PRKCB: variants seen among roughly 807,000 people sequenced by gnomAD.
PRKCB encodes protein kinase C beta type.
Under a neutral mutation model 81.5 loss-of-function variants are expected in PRKCB, and 13 were observed. The ratio of observed to expected loss-of-function variants is 0.16; its 90% CI spans 0.10 to 0.25. PRKCB has a LOEUF of 0.25. PRKCB is among the 10% of genes least tolerant of loss of function. The probability of loss-of-function intolerance (pLI) is 1.00; values close to 1 mark genes in which losing one functional copy is unlikely to be tolerated. For missense variants in PRKCB, 509 were observed against 875.7 expected, an observed-to-expected ratio of 0.58 and a Z score of 5.29; for synonymous variants, 335 against 321.4, an observed-to-expected ratio of 1.04 and a Z score of -0.45.
At chr16:24,020,493 T>C (rs1965343709) in intron 3 of PRKCB, among the ~76,000 whole-genome samples, 2 of 152,228 alleles carry the variant, frequency 1.3e-5, no homozygotes, top group African/African-American at 2.4e-5. Context: ...GTTGCCATGA[T>C]GATTTTTTCT....
At chr16:23,985,518 A>G (rs1200447855) in intron 2 of PRKCB, among the ~76,000 whole-genome samples, 1 of 152,214 alleles carries the variant, frequency 6.6e-6, no homozygotes, top group Non-Finnish European at 1.5e-5. Context: ...TAGGACTTAT[A>G]TGGAGAAAAT....
chr16:23,958,182 G>C (rs1269548301), intron 2 of PRKCB, among the ~76,000 whole-genome samples: 1 of 152,058 alleles, frequency 6.6e-6, no homozygotes, highest in Non-Finnish European at 1.5e-5. Flanking sequence ...AGTAGAGACA[G>C]GGTTTCGCCA....
chr16:24,109,445 G>T (rs1359699664), intron 7 of PRKCB, among the ~76,000 whole-genome samples: 1 of 121,704 alleles, frequency 8.2e-6, no homozygotes. Context: ...CGGCCGGGCA[G>T]AGGTGCTCCT....
At chr16:24,009,426 AT>A (rs550009011) in intron 3 of PRKCB, among the ~76,000 whole-genome samples, 5,611 of 139,702 alleles carry the variant, frequency 0.04, 265 homozygotes, top group African/African-American at 0.13. Context: ...TAGGATGACT[AT>A]TTTTTTTTTT....
chr16:24,207,915 G>A (rs2141991242), intron 16 of PRKCB, among the ~76,000 whole-genome samples: 1 of 152,332 alleles, frequency 6.6e-6, no homozygotes, highest in East Asian at 1.9e-4. Flanking sequence ...AGTGTTCTAG[G>A]AACTGGAAAT....
intron 5 of PRKCB, among the ~76,000 whole-genome samples, chr16:24,063,601 G>A (rs1033432831): frequency 6.6e-6 from 1 of 152,092 alleles, no homozygotes; most frequent in Non-Finnish European, 1.5e-5. Flanking sequence ...GGCCACTGAT[G>A]TACTTTCACT....
chr16:23,936,613 G>A (rs951907775), intron 2 of PRKCB, among the ~76,000 whole-genome samples: 1 of 72,800 alleles, frequency 1.4e-5, no homozygotes, highest in East Asian at 4.5e-4. Context: ...TTGCATTTTT[G>A]GTAGAGACAG....
intron 2 of PRKCB, among the ~76,000 whole-genome samples, chr16:23,880,772 A>T (rs1271564366): frequency 6.6e-6 from 1 of 152,144 alleles, no homozygotes; most frequent in Admixed American, 6.5e-5. Flanking sequence ...CAAGATGCAG[A>T]GAAAGAAAAT....
chr16:23,947,770 G>T (rs1025425552), intron 2 of PRKCB, among the ~76,000 whole-genome samples: 1 of 152,066 alleles, frequency 6.6e-6, no homozygotes, highest in Admixed American at 6.5e-5. Flanking sequence ...TTGCTTTGGG[G>T]CCTAAACGAC....
chr16:24,186,595 A>G (rs984388638), intron 15 of PRKCB, among the ~76,000 whole-genome samples: 11 of 152,270 alleles, frequency 7.2e-5, no homozygotes, highest in Non-Finnish European at 1.5e-4. Flanking sequence ...CAGGGCTGCC[A>G]GTCCTAGATC....
chr16:24,210,172 A>G (rs1397178628), intron 16 of PRKCB, among the ~76,000 whole-genome samples: 1 of 152,120 alleles, frequency 6.6e-6, no homozygotes, highest in Non-Finnish European at 1.5e-5. Context: ...TCAGGGCTCA[A>G]CATTCTCCAG....
At chr16:23,946,492 T>C (rs1237922024) in intron 2 of PRKCB, among the ~76,000 whole-genome samples, 11 of 152,216 alleles carry the variant, frequency 7.2e-5, no homozygotes, top group Non-Finnish European at 1.5e-4. Flanking sequence ...GTCAGTTTCC[T>C]CATCTGTAAA....
chr16:24,100,859 G>C (rs1474449295), intron 7 of PRKCB, among the ~76,000 whole-genome samples: 1 of 152,168 alleles, frequency 6.6e-6, no homozygotes, highest in Non-Finnish European at 1.5e-5. Flanking sequence ...AGTGGTAAGT[G>C]GGGGCTAGGG....
intron 8 of PRKCB, among the ~76,000 whole-genome samples, chr16:24,116,602 T>A (rs1966740195): frequency 6.6e-6 from 1 of 152,140 alleles, no homozygotes; most frequent in African/African-American, 2.4e-5. Flanking sequence ...TAACAGAGGC[T>A]TGTTCCCAAA....
At chr16:24,021,028 C>CTTTCTTTCTTTCTTTCTTTA (rs1567346706) in intron 3 of PRKCB, among the ~76,000 whole-genome samples, 1 of 140,328 alleles carries the variant, frequency 7.1e-6, no homozygotes, top group African/African-American at 2.8e-5. Context: ...TTCTTTCTTT[C>CTTTCTTTCTTTCTTTCTTTA]TTTCTTTCTT....
At position 24,117,324 on chromosome 16, in the gene PRKCB, A is replaced by G. The variant is rs1966747256; in HGVS notation, c.918+4255A>G. On this transcript the variant is annotated intron_variant, in intron 8 of 16. Transcript: ENST00000643927. ...AGTTACCACACGTGGTATACTTCAG[A>G]ACATCAGAGCTGGCTGTTTGCTTAG... 3.3e-5 allele frequency among the ~76,000 whole-genome samples: 5 copies of G among 152,324 alleles called. No individual in the cohort carries two copies. In the South Asian group the frequency reaches 1.0e-3, roughly 32 times the overall value.
Position 24,216,691 on chromosome 16 carries a change from C to A in PRKCB, c.*1875C>A. The stretch of plus-strand genomic sequence containing the variant: ...AGGCTTGGGGACCGTCCCTGCTGTC[C>A]CCACTGTGGTGGCAATCAGGACCTA... On this transcript the variant is annotated 3_prime_UTR_variant, in exon 17 of 17. Coordinates refer to ENST00000643927, the MANE Select transcript of PRKCB (RefSeq NM_002738.7). 1 of 985,420 alleles carries A rather than the reference C, an allele frequency of 1.0e-6. No homozygotes were observed. The highest frequency in any genetic ancestry group is 4.7e-5 in the South Asian group (1 of 21,282). 61.0% of individuals were successfully genotyped at this position (985,420 alleles called of 1,614,324 possible).
At chr16:24,189,358 G>T (rs1567406967) in intron 15 of PRKCB, among the ~76,000 whole-genome samples, 1 of 152,190 alleles carries the variant, frequency 6.6e-6, no homozygotes, top group East Asian at 1.9e-4. Flanking sequence ...AGAAGTAGCA[G>T]CTCGGCGCGG....
chr16:24,096,156 T>C (rs1221656171), intron 7 of PRKCB, among the ~76,000 whole-genome samples: 1 of 151,798 alleles, frequency 6.6e-6, no homozygotes. Flanking sequence ...ATTAGTTGGG[T>C]GTGCTGGCAT....
Sources: gnomAD v4.1 joint callset for allele counts (sites outside exome capture counted in the v4.1 genomes callset) on GRCh38, gnomAD v4.1.1 for gene constraint, MANE v1.5 for transcripts, NCBI Gene and HGNC (gene_info 2026-07-23, HGNC 2026-07-21) for gene names.